Variants in MYOM2 observed in about 807,000 individuals in gnomAD.
The protein encoded by MYOM2 is myomesin 2.
A neutral mutation model predicts 187.6 loss-of-function variants in MYOM2; 254 were observed. The observed-to-expected ratio is 1.35, with a 90% CI of 1.22 to 1.50. The LOEUF (loss-of-function observed/expected upper bound fraction) is 1.50. Ranked by LOEUF, MYOM2 falls within the 40% of genes most tolerant of loss-of-function variation. The probability of loss-of-function intolerance (pLI) is 0.00; values close to 1 mark genes in which losing one functional copy is unlikely to be tolerated. For synonymous variants in MYOM2, 981 were observed against 753.8 expected, an observed-to-expected ratio of 1.30 and a Z score of -4.94; for missense variants, 2,796 against 1,924.0, an observed-to-expected ratio of 1.45 and a Z score of -8.48.
At chr8:2,132,301 C>T (rs1797902721) in intron 32 of MYOM2, among the ~76,000 whole-genome samples, 1 of 148,416 alleles carries the variant, frequency 6.7e-6, no homozygotes, top group Non-Finnish European at 1.5e-5. Flanking sequence ...GAAATGCGGA[C>T]GTAAGCAAAG....
chr8:2,115,449 C>T (rs1224013531), intron 25 of MYOM2, among the ~76,000 whole-genome samples: 2 of 152,132 alleles, frequency 1.3e-5, no homozygotes, highest in Non-Finnish European at 1.5e-5. Flanking sequence ...AAGTCAACAC[C>T]TGTTGGAGGT....
At chr8:2,111,282 A>G (rs1478514555) in intron 25 of MYOM2, among the ~76,000 whole-genome samples, 1 of 152,246 alleles carries the variant, frequency 6.6e-6, no homozygotes. Context: ...GAAGACATAT[A>G]AAAGTCTGTA....
At chr8:2,109,738 G>A (rs910245249) in intron 25 of MYOM2, among the ~76,000 whole-genome samples, 5 of 152,204 alleles carry the variant, frequency 3.3e-5, no homozygotes, top group African/African-American at 1.2e-4. Context: ...GACATCAGGA[G>A]TCTTTAAAAT....
At chr8:2,081,219 G>T (rs182336191) in intron 13 of MYOM2, among the ~76,000 whole-genome samples, 20 of 23,936 alleles carry the variant, frequency 8.4e-4, no homozygotes, top group East Asian at 1.4e-3. Context: ...AGAATGAGGT[G>T]GGTTCTGGCC....
intron 11 of MYOM2, 110 bp from the exon 12 acceptor site, chr8:2,078,624 G>T: frequency 1.0e-6 from 1 of 970,352 alleles, no homozygotes; most frequent in East Asian, 2.4e-5. Flanking sequence ...TTACTGGCGT[G>T]AGATATTGTC....
Position 2,076,270 on chromosome 8 carries a change from A to C in MYOM2, c.1250A>C (p.Tyr417Ser). 1 of 1,613,640 alleles carries C rather than the reference A, an allele frequency of 6.2e-7. No homozygotes were observed. Among genetic ancestry groups the C allele is most frequent in the East Asian group, 2.2e-5 (1 of 44,878 alleles). The change falls in exon 11 of 37, where the codon TAT becomes TCT. Residue 417 changes from tyrosine (Y) to serine (S), a missense_variant. By Grantham distance (144) the Tyr-to-Ser change is moderately radical. Coordinates refer to ENST00000262113, the MANE Select transcript of MYOM2 (RefSeq NM_003970.4). The part of the protein sequence containing the change: ...NTTTESPVMG[Y>S]FVDRCEVGTN... ...ACCACTGAGAGCCCCGTCATGGGCT[A>C]TTTTGTGGACCGGTGAGCGTCTTGC... is the stretch of plus-strand genomic sequence containing the variant.
intron 13 of MYOM2, among the ~76,000 whole-genome samples, chr8:2,081,128 G>C (rs1435788262): frequency 4.4e-5 from 5 of 114,116 alleles, no homozygotes; most frequent in East Asian, 2.8e-4. Flanking sequence ...GTTCTGGCCT[G>C]CGGGAGGAAC....
chr8:2,104,790 C>T (rs1248277379), intron 21 of MYOM2, among the ~76,000 whole-genome samples: 2 of 152,080 alleles, frequency 1.3e-5, no homozygotes, highest in African/African-American at 2.4e-5. Context: ...GCATGGGAGG[C>T]AGCCTTGCTT....
At chr8:2,100,060 C>T (rs1585905186) in intron 19 of MYOM2, among the ~76,000 whole-genome samples, 1 of 117,302 alleles carries the variant, frequency 8.5e-6, no homozygotes, top group South Asian at 3.5e-4. Flanking sequence ...TTCCTTCCTT[C>T]CTTCCTTCTT....
chr8:2,138,306 T>G (rs78462263), intron 32 of MYOM2, among the ~76,000 whole-genome samples: 7,531 of 152,256 alleles, frequency 0.049, 568 homozygotes, highest in African/African-American at 0.16. Flanking sequence ...CCTCATCGCT[T>G]CTGCTTCCCT....
intron 32 of MYOM2, among the ~76,000 whole-genome samples, chr8:2,130,605 T>G (rs1585962666): frequency 6.6e-6 from 1 of 152,270 alleles, no homozygotes; most frequent in East Asian, 1.9e-4. Context: ...TATTTCAATT[T>G]TGACATAGTG....
At chr8:2,141,971 T>C (rs34547976) in intron 34 of MYOM2, among the ~76,000 whole-genome samples, 17,677 of 152,116 alleles carry the variant, frequency 0.12, 1,262 homozygotes, top group East Asian at 0.18. Context: ...CCATGCTAGC[T>C]TATTTAATGA....
In MYOM2 at chr8:2,069,344, C is replaced by T. The variant is rs753752559; in HGVS notation, c.720C>T (p.Thr240=). 5.5e-5 allele frequency: 88 copies of T among 1,613,862 alleles called. No homozygotes were observed. Among genetic ancestry groups the T allele is most frequent in the Non-Finnish European group, 7.3e-5 (86 of 1,179,956 alleles). ...CCAATGCCCACGGACAAGTGTCCAC[C>T]AACGCGGCGGTGGTGGTGAGAAGTG... ...VATNAHGQVS[T]NAAVVVRRFR... is the part of the protein sequence containing the mutation. The change falls in exon 7 of 37, where the codon ACC becomes ACT. Residue 240 remains threonine, a synonymous_variant. Coordinates refer to ENST00000262113, the MANE Select transcript of MYOM2 (RefSeq NM_003970.4).
rs1257925136 is a variant in MYOM2 at position 2,118,091 on chromosome 8, G to C, written c.3453+139G>C. On this transcript the variant is annotated intron_variant, in intron 28 of 36. Coordinates refer to ENST00000262113, the MANE Select transcript of MYOM2 (RefSeq NM_003970.4). ...GTGCCTGTGTAGCTGCGGATGGGCG[G>C]AGTGGCTTTTGGGTCCTGTGGACTT... is the stretch of plus-strand genomic sequence containing the variant. 9 of 661,508 alleles carry C rather than the reference G, an allele frequency of 1.4e-5. No individual in the cohort carries two copies. The East Asian group carries it at 2.2e-4, about 16-fold the overall frequency. The allele number at this position is 661,508 out of a possible 1,614,324, so 41.0% of individuals were successfully genotyped here.
chr8:2,100,186 T>TTCCTTCCC (rs1796658041), intron 19 of MYOM2, among the ~76,000 whole-genome samples: 3 of 145,388 alleles, frequency 2.1e-5, no homozygotes, highest in Non-Finnish European at 3.0e-5. Context: ...CCTTCCTTCC[T>TTCCTTCCC]TCCCTCCCTG....
rs1819365331 is a variant in MYOM2 at position 2,074,898 on chromosome 8, C to A, written c.1121-1243C>A. 3.3e-5 allele frequency among the ~76,000 whole-genome samples: 5 copies of A among 152,346 alleles called. No homozygotes were observed. The South Asian group carries it at 1.0e-3, about 32-fold the overall frequency. ...AAGAAGGCGTCAGAGCGCTCCTGCGCCATGTAGCTGCTGCTGCTCTCCGGG... is the reference window on the plus strand; with the variant it reads ...AAGAAGGCGTCAGAGCGCTCCTGCGACATGTAGCTGCTGCTGCTCTCCGGG... On this transcript the variant is annotated intron_variant, in intron 10 of 36. Transcript: ENST00000262113.
At chr8:2,112,285 C>T (rs1342688406) in intron 25 of MYOM2, among the ~76,000 whole-genome samples, 5 of 151,834 alleles carry the variant, frequency 3.3e-5, no homozygotes, top group Admixed American at 6.6e-5. Flanking sequence ...GTACAGTAAA[C>T]ACTCTCAGAA....
chr8:2,124,358 G>A (rs1797561974), intron 31 of MYOM2, 141 bp downstream of exon 31: 2 of 756,086 alleles, frequency 2.6e-6, no homozygotes, highest in Non-Finnish European at 4.3e-6. Flanking sequence ...GAAGGGCAGG[G>A]TGGTGATCTG....
chr8:2,139,175 C>A (rs1397256300), intron 32 of MYOM2, among the ~76,000 whole-genome samples: 2 of 152,308 alleles, frequency 1.3e-5, no homozygotes, highest in South Asian at 4.2e-4. Flanking sequence ...GTGTCTCGCT[C>A]TGTTGGCCAG....
Sources: gnomAD v4.1 joint callset for allele counts (sites outside exome capture counted in the v4.1 genomes callset) on GRCh38, gnomAD v4.1.1 for gene constraint, MANE v1.5 for transcripts, NCBI Gene and HGNC (gene_info 2026-07-23, HGNC 2026-07-21) for gene names.